Variants in SHOC1 observed in about 807,000 individuals in gnomAD.
The protein encoded by SHOC1 is protein shortage in chiasmata 1 ortholog.
SHOC1 carries 136 observed loss-of-function variants against 179.2 expected under a neutral mutation model. The ratio of observed to expected loss-of-function variants is 0.76; its 90% CI spans 0.66 to 0.87. The LOEUF is 0.87. Ranked by LOEUF, SHOC1 falls within the 40% of genes least tolerant of loss-of-function variation. The pLI, the probability that SHOC1 is intolerant of heterozygous loss-of-function variation, is 0.00. For synonymous variants in SHOC1, 489 were observed against 586.6 expected (o/e 0.83, Z 2.41); for missense variants, 1,538 against 1,700.8 (o/e 0.90, Z 1.68).
chr9:111,733,341 C>T lies in SHOC1; in HGVS notation c.1417+4939G>A, dbSNP rs115686123. On this transcript the variant is annotated intron_variant, in intron 12 of 27. Coordinates refer to ENST00000682961, the MANE Select transcript of SHOC1 (RefSeq NM_001378211.1). ...TTGGTATAAGAAACATTTTACTTTC[C>T]TCTTAACTATACCTAAATGTAAGAC... Among the ~76,000 whole-genome samples, 376 of 151,770 alleles carry T rather than the reference C, an allele frequency of 2.5e-3. 1 individual carries two copies. Among genetic ancestry groups the T allele is most frequent in the African/African-American group, 8.2e-3 (341 of 41,380 alleles).
chr9:111,738,519 G>A lies in SHOC1; in HGVS notation c.1178C>T (p.Pro393Leu). The stretch of plus-strand genomic sequence containing the variant: ...TTGGCTGTGGGGCTCTTGAATTCTT[G>A]GCACTTAAAAAAAAATAAAAAACAA... The part of the protein sequence containing the change: ...SPLNPFLLTV[P>L]RIQEPHSQYS... Residue 393 changes from proline (P) to leucine (L), a missense_variant, in exon 12 of 28, where the codon CCA becomes CTA. By Grantham distance (98) the Pro-to-Leu change is moderately conservative. Transcript: ENST00000682961. 6 of 1,534,118 alleles carry A rather than the reference G, an allele frequency of 3.9e-6. No individual in the cohort carries two copies. Among genetic ancestry groups the A allele is most frequent in the East Asian group, 2.4e-5 (1 of 42,368 alleles).
At chr9:111,728,245 T>G (rs1454894705) in intron 12 of SHOC1, among the ~76,000 whole-genome samples, 196 bp from the exon 13 acceptor site, 1 of 152,146 alleles carries the variant, frequency 6.6e-6, no homozygotes, top group African/African-American at 2.4e-5. Context: ...TTAGCACCCT[T>G]CTTCTTACTA....
At chr9:111,742,494 G>C (rs1390307306) in intron 10 of SHOC1, among the ~76,000 whole-genome samples, 3 of 152,060 alleles carry the variant, frequency 2.0e-5, no homozygotes, top group Non-Finnish European at 4.4e-5. Flanking sequence ...TACTCGGGGG[G>C]AGAAGGGAGA....
intron 17 of SHOC1, 23 bp from the exon 18 acceptor site, chr9:111,713,195 T>C: frequency 1.6e-6 from 2 of 1,261,406 alleles, no homozygotes; most frequent in Non-Finnish European, 2.3e-6. Context: ...AAAAATTTCA[T>C]ATATATGTGG....
At position 111,741,498 on chromosome 9, in the gene SHOC1, AG is replaced by A. The variant is rs762198749; in HGVS notation, c.1151del (p.Pro384LeufsTer2). ...TACCTGTAAGCAAAAATGGGTTCAA[AG>A]GGCTTCTACATCTTTCTAATTGCCA... Reference protein sequence around the residue: ...MMWQLERCRSPLNPFLLTVPR... With the variant: ...MMWQLERCRSXLNPFLLTVPR... On this transcript the variant is annotated frameshift_variant, in exon 11 of 28. Coordinates refer to ENST00000682961, the MANE Select transcript of SHOC1 (RefSeq NM_001378211.1). LOFTEE classifies it high-confidence loss of function. 3 of 1,611,478 alleles carry A rather than the reference AG, an allele frequency of 1.9e-6. No homozygotes were observed. The South Asian group carries it at 3.3e-5, about 18-fold the overall frequency.
intron 15 of SHOC1, among the ~76,000 whole-genome samples, chr9:111,719,241 G>T (rs747652547): frequency 2.0e-5 from 3 of 152,124 alleles, no homozygotes; most frequent in Non-Finnish European, 4.4e-5. Flanking sequence ...GTGGGAAATG[G>T]TCTGACTTCT....
At chr9:111,714,754 G>A in intron 16 of SHOC1, 131 bp from the exon 17 acceptor site, 1 of 799,084 alleles carries the variant, frequency 1.3e-6, no homozygotes, top group Non-Finnish European at 1.9e-6. Context: ...TTCTGATTTT[G>A]ATCAAAGACA....
chr9:111,755,068 G>A (rs1834794724), intron 8 of SHOC1, among the ~76,000 whole-genome samples: 1 of 152,196 alleles, frequency 6.6e-6, no homozygotes, highest in South Asian at 2.1e-4. Context: ...TCAATAATGT[G>A]TATAAGTTTC....
chr9:111,775,698 AT>A, intron 5 of SHOC1, 92 bp downstream of exon 5: 1 of 979,268 alleles, frequency 1.0e-6, no homozygotes, highest in Non-Finnish European at 1.5e-6. Flanking sequence ...TTAATAAAAA[AT>A]TTTTTATTCA....
intron 13 of SHOC1, 115 bp downstream of exon 13, chr9:111,727,517 CA>C (rs1833350251): frequency 1.1e-6 from 1 of 947,750 alleles, no homozygotes. Flanking sequence ...TCCTTGACTA[CA>C]AAAAATAACA....
chr9:111,779,839 T>A (rs1217481562), intron 4 of SHOC1, among the ~76,000 whole-genome samples: 1 of 152,206 alleles, frequency 6.6e-6, no homozygotes, highest in Non-Finnish European at 1.5e-5. Context: ...TGAGAAGCAC[T>A]GATCCATCAT....
At chr9:111,747,476 T>G (rs1162752172) in intron 9 of SHOC1, among the ~76,000 whole-genome samples, 1 of 152,216 alleles carries the variant, frequency 6.6e-6, no homozygotes, top group East Asian at 1.9e-4. Context: ...ATATGAAATT[T>G]TATTTACTGA....
chr9:111,742,665 A>G (rs924629785), intron 10 of SHOC1, among the ~76,000 whole-genome samples: 6 of 152,172 alleles, frequency 3.9e-5, no homozygotes, highest in African/African-American at 1.2e-4. Context: ...CTCTGTTCAT[A>G]TGGAACATAT....
At chr9:111,776,039 T>C (rs1835821421) in intron 4 of SHOC1, 64 bp from the exon 5 acceptor site, 2 of 1,263,922 alleles carry the variant, frequency 1.6e-6, no homozygotes, top group Non-Finnish European at 2.2e-6. Context: ...TATTAGTAGA[T>C]AATATATGTC....
chr9:111,748,210 A>G lies in SHOC1; in HGVS notation c.863-11T>C. The G allele has an allele frequency of 6.4e-7, 1 of 1,569,336 alleles. No homozygotes were observed. On this transcript the variant is annotated splice_polypyrimidine_tract_variant and intron_variant, in intron 8 of 27. Coordinates refer to ENST00000682961, the MANE Select transcript of SHOC1 (RefSeq NM_001378211.1). Reference sequence around the variant, plus strand: ...GCTTGTTAGTAAGATCTGAAAAGGAAGAAACTCTGTTATTAGCAAATGTAC... The same window carrying G: ...GCTTGTTAGTAAGATCTGAAAAGGAGGAAACTCTGTTATTAGCAAATGTAC...
intron 12 of SHOC1, 178 bp downstream of exon 12, chr9:111,738,102 A>AT (rs1328134216): frequency 4.1e-6 from 2 of 487,172 alleles, no homozygotes; most frequent in Non-Finnish European, 7.0e-6. Context: ...AAACTTCATC[A>AT]TTTTTTCAAG....
chr9:111,790,737 A>G (rs1589484107), intron 2 of SHOC1, among the ~76,000 whole-genome samples: 1 of 151,958 alleles, frequency 6.6e-6, no homozygotes, highest in South Asian at 2.1e-4. Context: ...TAGTAGAGAC[A>G]GGGTTTCACC....
chr9:111,781,295 T>C (rs1836029327), intron 3 of SHOC1, among the ~76,000 whole-genome samples: 1 of 152,106 alleles, frequency 6.6e-6, no homozygotes, highest in Non-Finnish European at 1.5e-5. Flanking sequence ...CCATCCCAAA[T>C]AGTCCCTTTC....
intron 4 of SHOC1, among the ~76,000 whole-genome samples, chr9:111,777,765 A>G (rs917612662): frequency 1.3e-5 from 2 of 152,170 alleles, no homozygotes; most frequent in Admixed American, 1.3e-4. Context: ...AGCCCTAATA[A>G]TACCCTTGTA....
Sources: gnomAD v4.1 joint callset for allele counts (sites outside exome capture counted in the v4.1 genomes callset) on GRCh38, gnomAD v4.1.1 for gene constraint, MANE v1.5 for transcripts, NCBI Gene and HGNC (gene_info 2026-07-23, HGNC 2026-07-21) for gene names.